The following GALNT13 variants were observed in gnomAD, a reference collection of about 807,000 sequenced individuals.
GALNT13 encodes the protein polypeptide N-acetylgalactosaminyltransferase 13.
A neutral mutation model predicts 64.2 loss-of-function variants in GALNT13; 28 were observed. The observed-to-expected ratio is 0.44, with a 90% CI of 0.32 to 0.60. The LOEUF is 0.60. GALNT13 is among the 20% of genes least tolerant of loss of function. GALNT13 has a pLI of 0.05. For synonymous variants in GALNT13, 214 were observed against 224.6 expected (o/e 0.95, Z 0.42); for missense variants, 577 against 669.8 (o/e 0.86, Z 1.53).
At chr2:153,252,179 G>A in the GALNT13 span, among the ~76,000 whole-genome samples, 12 of 147,738 alleles carry the variant, frequency 8.1e-5, no homozygotes, top group Admixed American at 5.4e-4. Flanking sequence ...GGTGTGAGAT[G>A]GTATCTCATT....
chr2:153,738,776 T>A, the GALNT13 span, among the ~76,000 whole-genome samples: 1 of 151,962 alleles, frequency 6.6e-6, no homozygotes, highest in African/African-American at 2.4e-5. Context: ...TTCCTATACA[T>A]GTTATAATAA....
chr2:154,168,772 G>A (rs1685183749), intron 4 of GALNT13, among the ~76,000 whole-genome samples: 1 of 152,020 alleles, frequency 6.6e-6, no homozygotes, highest in African/African-American at 2.4e-5. Context: ...GAACCCGGGA[G>A]GTGGAGGTTG....
the GALNT13 span, among the ~76,000 whole-genome samples, chr2:153,698,709 A>G: frequency 6.6e-6 from 1 of 152,156 alleles, no homozygotes; most frequent in Non-Finnish European, 1.5e-5. Flanking sequence ...GGTATTCAAG[A>G]CTTGAACTCA....
At chr2:153,384,321 G>A in the GALNT13 span, among the ~76,000 whole-genome samples, 1 of 151,908 alleles carries the variant, frequency 6.6e-6, no homozygotes, top group Non-Finnish European at 1.5e-5. Context: ...ATTCTTAAAG[G>A]CTCTATCTGA....
chr2:153,427,902 T>G, the GALNT13 span, among the ~76,000 whole-genome samples: 1 of 152,204 alleles, frequency 6.6e-6, no homozygotes, highest in Admixed American at 6.5e-5. Context: ...ATGTTATTGT[T>G]ATTGAAAAAC....
At chr2:153,734,970 C>A in the GALNT13 span, among the ~76,000 whole-genome samples, 1 of 152,132 alleles carries the variant, frequency 6.6e-6, no homozygotes, top group Non-Finnish European at 1.5e-5. Flanking sequence ...TACCTGACAA[C>A]GTAGCCTTGA....
At chr2:154,132,332 T>C (rs1367704066) in intron 3 of GALNT13, among the ~76,000 whole-genome samples, 2 of 36,260 alleles carry the variant, frequency 5.5e-5, no homozygotes, top group Non-Finnish European at 1.1e-4. Context: ...ATGCATATAC[T>C]TCATTTAACT....
chr2:153,866,756 G>T, the GALNT13 span, among the ~76,000 whole-genome samples: 1 of 152,146 alleles, frequency 6.6e-6, no homozygotes, highest in South Asian at 2.1e-4. Context: ...TTTAACAAAA[G>T]ATTTTATGCT....
chr2:154,077,936 TAAAC>T (rs1701073972), intron 3 of GALNT13, among the ~76,000 whole-genome samples: 1 of 151,486 alleles, frequency 6.6e-6, no homozygotes, highest in Non-Finnish European at 1.5e-5. Flanking sequence ...GCAAAATTGT[TAAAC>T]AGAGAATGGT....
chr2:154,104,559 G>A (rs1212826672), intron 3 of GALNT13, among the ~76,000 whole-genome samples: 1 of 152,186 alleles, frequency 6.6e-6, no homozygotes, highest in Admixed American at 6.5e-5. Flanking sequence ...AGCCAGTGCT[G>A]CCTATCCTCT....
At chr2:153,910,050 T>A (rs1688834840) in intron 2 of GALNT13, among the ~76,000 whole-genome samples, 1 of 151,752 alleles carries the variant, frequency 6.6e-6, no homozygotes, top group Non-Finnish European at 1.5e-5. Flanking sequence ...CGGTGAATCC[T>A]TCTGGCCCTG....
the GALNT13 span, among the ~76,000 whole-genome samples, chr2:153,670,410 G>A: frequency 6.6e-6 from 1 of 152,252 alleles, no homozygotes; most frequent in East Asian, 1.9e-4. Flanking sequence ...GGCAAACAGG[G>A]TATGGAGTGA....
chr2:153,897,624 C>CT (rs1443783142), intron 1 of GALNT13, among the ~76,000 whole-genome samples: 1 of 152,080 alleles, frequency 6.6e-6, no homozygotes, highest in South Asian at 2.1e-4. Context: ...TGTCATCACA[C>CT]TTTCATGCGC....
chr2:153,216,828 C>A, the GALNT13 span, among the ~76,000 whole-genome samples: 1 of 151,494 alleles, frequency 6.6e-6, no homozygotes, highest in African/African-American at 2.4e-5. Flanking sequence ...CAATTTTTTT[C>A]TTTTGTTGGT....
At chr2:154,426,749 A>G (rs1431892451) in intron 11 of GALNT13, among the ~76,000 whole-genome samples, 2 of 152,230 alleles carry the variant, frequency 1.3e-5, no homozygotes, top group East Asian at 3.8e-4. Context: ...TAAAATGGGA[A>G]GATTTAACAA....
At chr2:154,361,924 A>G (rs1243921873) in intron 9 of GALNT13, among the ~76,000 whole-genome samples, 1 of 152,092 alleles carries the variant, frequency 6.6e-6, no homozygotes, top group African/African-American at 2.4e-5. Context: ...TTGGAAAACT[A>G]ATATGACTCA....
intron 9 of GALNT13, among the ~76,000 whole-genome samples, chr2:154,307,339 C>A (rs1052691573): frequency 7.9e-5 from 12 of 152,188 alleles, no homozygotes; most frequent in Admixed American, 2.0e-4. Flanking sequence ...GCCCACAAAC[C>A]AAAATAAGGT....
At chr2:154,372,871 T>A (rs897065159) in intron 9 of GALNT13, among the ~76,000 whole-genome samples, 2 of 152,056 alleles carry the variant, frequency 1.3e-5, no homozygotes, top group Admixed American at 1.3e-4. Flanking sequence ...ATGAAAATTG[T>A]ATAAACTCCA....
At chr2:153,825,608 C>CTGTGTGTGTGTGTGTGTGTG in the GALNT13 span, among the ~76,000 whole-genome samples, 1 of 134,864 alleles carries the variant, frequency 7.4e-6, no homozygotes, top group African/African-American at 2.8e-5. Flanking sequence ...TCCATGAGTG[C>CTGTGTGTGTGTGTGTGTGTG]TGTGTGTGTG....
Sources: allele counts gnomAD v4.1 joint callset (sites outside exome capture counted in the v4.1 genomes callset), GRCh38; gene constraint gnomAD v4.1.1; transcripts MANE v1.5; gene names NCBI Gene and HGNC (gene_info 2026-07-23, HGNC 2026-07-21).